The following SEC63 variants were observed in gnomAD, a reference collection of about 807,000 sequenced individuals.
SEC63 encodes SEC63 protein translocation regulator, also known as translocation protein SEC63 homolog.
SEC63 carries 56 observed loss-of-function variants against 116.2 expected under a neutral mutation model. That is an observed-to-expected ratio of 0.48 (90% CI 0.39 to 0.60). SEC63 has a LOEUF of 0.60. Ranked by LOEUF, SEC63 falls within the 20% of genes least tolerant of loss-of-function variation. The pLI is 0.00. For missense variants in SEC63, 668 were observed against 900.0 expected, an observed-to-expected ratio of 0.74 and a Z score of 3.30; for synonymous variants, 273 against 294.6, an observed-to-expected ratio of 0.93 and a Z score of 0.75.
chr6:107,883,104 C>G lies in SEC63; in HGVS notation c.1717G>C (p.Gly573Arg), dbSNP rs140195794. 10 of 1,611,074 alleles carry G rather than the reference C, an allele frequency of 6.2e-6. No homozygotes were observed. Among genetic ancestry groups the G allele is most frequent in the Non-Finnish European group, 8.5e-6 (10 of 1,178,052 alleles). ...GTTTCTTCTTCTTCAGAATCACTGC[C>G]CTTATCTGAAACTTCTTCTTCATCT... ...KEDEEEVSDK[G>R]SDSEEEETNR... Residue 573 changes from glycine to arginine, a missense_variant, in exon 17 of 21, where the codon GGC becomes CGC. Around this residue, in one of 5 missense-constraint regions of SEC63, gnomAD observed 430 missense variants for 557.5 expected, o/e 0.77. Coordinates refer to ENST00000369002, the MANE Select transcript of SEC63 (RefSeq NM_007214.5).
chr6:107,893,382 T>C (rs1177768320), intron 16 of SEC63, 100 bp downstream of exon 16: 1 of 1,192,988 alleles, frequency 8.4e-7, no homozygotes, highest in Non-Finnish European at 1.2e-6. Context: ...CACGGGTGCA[T>C]AAATTATGTA....
intron 1 of SEC63, among the ~76,000 whole-genome samples, chr6:107,955,518 A>C (rs576592374): frequency 1.1e-3 from 162 of 152,366 alleles, no homozygotes; most frequent in Non-Finnish European, 2.1e-3. Flanking sequence ...TCCATGATTT[A>C]CAAATAGTAT....
At chr6:107,919,163 G>A (rs145155962) in intron 4 of SEC63, among the ~76,000 whole-genome samples, 53 of 152,048 alleles carry the variant, frequency 3.5e-4, no homozygotes, top group African/African-American at 1.1e-3. Flanking sequence ...CACCTGCCTC[G>A]GCCTCCCAAA....
intron 19 of SEC63, among the ~76,000 whole-genome samples, chr6:107,875,995 A>G (rs909014715): frequency 1.7e-4 from 26 of 152,314 alleles, no homozygotes; most frequent in Admixed American, 3.3e-4. Context: ...TCATAGGGCT[A>G]TCTTGAAAAG....
At chr6:107,906,915 CAAGT>C (rs1361640569) in intron 8 of SEC63, 138 bp from the exon 9 acceptor site, 3 of 694,366 alleles carry the variant, frequency 4.3e-6, no homozygotes, top group South Asian at 1.6e-5. Flanking sequence ...ACTCCACTGA[CAAGT>C]ATTTATTTCT....
At chr6:107,892,757 G>C (rs9400159) in intron 16 of SEC63, among the ~76,000 whole-genome samples, 16,149 of 152,150 alleles carry the variant, frequency 0.11, 969 homozygotes, top group East Asian at 0.21. Flanking sequence ...TTAGCCATTA[G>C]GTAAATGCAA....
rs760086843 is a variant in SEC63 at position 107,943,559 on chromosome 6, T to C, written c.125-14045A>G. ...AGTGGACCTACATAGTTCAAACCCA[T>C]GTTGTTGAAGGGTTCTTTTGAGAGA... On this transcript the variant is annotated intron_variant, in intron 1 of 20. Coordinates refer to ENST00000369002, the MANE Select transcript of SEC63 (RefSeq NM_007214.5). Among the ~76,000 whole-genome samples, 3 of 152,208 alleles carry C rather than the reference T, an allele frequency of 2.0e-5. No individual in the cohort carries two copies. The East Asian group carries it at 5.8e-4, about 29-fold the overall frequency.
chr6:107,922,743 G>C (rs143765819), intron 3 of SEC63, among the ~76,000 whole-genome samples: 17 of 151,976 alleles, frequency 1.1e-4, no homozygotes, highest in Non-Finnish European at 1.9e-4. Context: ...TAATGACTAT[G>C]ATCAATGCAA....
At chr6:107,941,147 G>T (rs948978450) in intron 1 of SEC63, among the ~76,000 whole-genome samples, 2 of 152,164 alleles carry the variant, frequency 1.3e-5, no homozygotes, top group African/African-American at 4.8e-5. Flanking sequence ...TGAGCTGAAA[G>T]GGCCTCTGGA....
At chr6:107,929,553 T>C (rs1217673162) in intron 1 of SEC63, 39 bp from the exon 2 acceptor site, 1 of 1,239,460 alleles carries the variant, frequency 8.1e-7, no homozygotes, top group East Asian at 2.3e-5. Flanking sequence ...AAAAACCATT[T>C]TTCACAAGTG....
chr6:107,888,419 T>G (rs968838371), intron 16 of SEC63, among the ~76,000 whole-genome samples: 1 of 152,208 alleles, frequency 6.6e-6, no homozygotes, highest in African/African-American at 2.4e-5. Flanking sequence ...ATAGGAATGC[T>G]TGTGATTTTT....
chr6:107,893,285 T>C (rs941406646), intron 16 of SEC63, among the ~76,000 whole-genome samples, 197 bp downstream of exon 16: 1 of 152,132 alleles, frequency 6.6e-6, no homozygotes, highest in Non-Finnish European at 1.5e-5. Flanking sequence ...ATGGCGATTA[T>C]AGACAGAATA....
chr6:107,958,025 G>A lies in SEC63; in HGVS notation c.-16C>T. 1 of 1,612,666 alleles carries A rather than the reference G, an allele frequency of 6.2e-7. No individual in the cohort carries two copies. The highest frequency in any genetic ancestry group is 2.2e-5 in the East Asian group (1 of 44,812). On this transcript the variant is annotated 5_prime_UTR_variant, in exon 1 of 21. Transcript: ENST00000369002. ...GCCCGGCCATGGCACCCCCTCCTCCGCCTCGCTCTTCTCACCGCCGCCGCC... is the reference window on the plus strand; with the variant it reads ...GCCCGGCCATGGCACCCCCTCCTCCACCTCGCTCTTCTCACCGCCGCCGCC...
At chr6:107,935,500 T>C (rs1770223287) in intron 1 of SEC63, among the ~76,000 whole-genome samples, 1 of 149,682 alleles carries the variant, frequency 6.7e-6, no homozygotes, top group African/African-American at 2.5e-5. Context: ...CCCCCAACCC[T>C]GTGCTCTCTG....
chr6:107,935,209 G>C (rs1196070648), intron 1 of SEC63, among the ~76,000 whole-genome samples: 1 of 151,548 alleles, frequency 6.6e-6, no homozygotes, highest in Admixed American at 6.6e-5. Flanking sequence ...CCGTCTGGGA[G>C]ATGAGGGGCG....
intron 18 of SEC63, among the ~76,000 whole-genome samples, chr6:107,877,917 G>A (rs753757461): frequency 7.2e-5 from 11 of 152,074 alleles, no homozygotes; most frequent in Non-Finnish European, 1.0e-4. Flanking sequence ...ACAAGTACAC[G>A]GTGACATGAG....
At chr6:107,953,175 G>A (rs1770614981) in intron 1 of SEC63, among the ~76,000 whole-genome samples, 1 of 152,164 alleles carries the variant, frequency 6.6e-6, no homozygotes, top group South Asian at 2.1e-4. Flanking sequence ...CACGAGAATC[G>A]TTTGAACACG....
At chr6:107,910,207 T>G (rs1484068852) in intron 7 of SEC63, among the ~76,000 whole-genome samples, 1 of 152,206 alleles carries the variant, frequency 6.6e-6, no homozygotes, top group Non-Finnish European at 1.5e-5. Flanking sequence ...GGTTCACACC[T>G]GTAAGCCTAG....
intron 7 of SEC63, chr6:107,909,281 G>A: frequency 2.5e-6 from 1 of 405,674 alleles, no homozygotes; most frequent in South Asian, 2.2e-5. Context: ...AGGAAGCTGA[G>A]GTGGGAAGAT....
Sources: allele counts gnomAD v4.1 joint callset (sites outside exome capture counted in the v4.1 genomes callset), GRCh38; gene constraint gnomAD v4.1.1; regional missense constraint gnomAD v4.1.1; transcripts MANE v1.5; gene names NCBI Gene and HGNC (gene_info 2026-07-23, HGNC 2026-07-21).